The following CNTRL variants were observed in gnomAD, a reference collection of about 807,000 sequenced individuals.
CNTRL encodes the protein centriolin, also known as 110 kDa centrosomal protein.
A neutral mutation model predicts 303.7 loss-of-function variants in CNTRL; 233 were observed. The ratio of observed to expected loss-of-function variants is 0.77; its 90% CI spans 0.69 to 0.86. The LOEUF (loss-of-function observed/expected upper bound fraction) is 0.86, where lower values mean the gene tolerates loss of function less well. Ranked by LOEUF, CNTRL falls within the 40% of genes least tolerant of loss-of-function variation. The probability of loss-of-function intolerance (pLI) is 0.00; values close to 1 mark genes in which losing one functional copy is unlikely to be tolerated. For missense variants in CNTRL, 2,524 were observed against 2,650.6 expected, an observed-to-expected ratio of 0.95 and a Z score of 1.05; for synonymous variants, 900 against 922.2, an observed-to-expected ratio of 0.98 and a Z score of 0.44.
rs1282378446 is a variant in CNTRL, at chr9:121,150,414, C to G, written c.3894C>G (p.Pro1298=). The change falls in exon 25 of 44, where the codon CCC becomes CCG. Residue 1298 remains proline (P), a synonymous_variant. Transcript: ENST00000373855. ...CCCCCATGGTGTATGGGCCTCCACC[C>G]CCCAACTTCTCCATCCCCTTCATCC... ...AGAPMVYGPP[P]PNFSIPFIPM... 1 of 1,614,080 alleles carries G rather than the reference C, an allele frequency of 6.2e-7. No homozygotes were observed. The highest frequency in any genetic ancestry group is 1.3e-5 in the African/African-American group (1 of 74,924).
intron 39 of CNTRL, among the ~76,000 whole-genome samples, chr9:121,170,419 C>T (rs2053257560): frequency 6.6e-6 from 1 of 152,168 alleles, no homozygotes; most frequent in Non-Finnish European, 1.5e-5. Flanking sequence ...GCTGGGATTA[C>T]AGGCATGAGC....
At chr9:121,115,000 G>T in intron 10 of CNTRL, 91 bp from the exon 11 acceptor site, 1 of 742,020 alleles carries the variant, frequency 1.3e-6, no homozygotes, top group African/African-American at 1.8e-5. Flanking sequence ...CAGGGAGAAG[G>T]TTATTACAAA....
rs183474885 is a variant in CNTRL at position 121,109,243 on chromosome 9, A to G, written c.1002+1248A>G. Among the ~76,000 whole-genome samples, 6 of 152,326 alleles carry G rather than the reference A, an allele frequency of 3.9e-5. No individual in the cohort carries two copies. The East Asian group carries it at 9.6e-4, about 24-fold the overall frequency. On this transcript the variant is annotated intron_variant, in intron 8 of 43. Coordinates refer to ENST00000373855, the MANE Select transcript of CNTRL (RefSeq NM_007018.6). ...TTTAGGAAATAATAATTAAGAAAAA[A>G]TATCTGTACATGTTCAATACAGATG...
intron 11 of CNTRL, among the ~76,000 whole-genome samples, chr9:121,116,387 T>TTC: frequency 6.6e-6 from 1 of 151,126 alleles, no homozygotes; most frequent in East Asian, 1.9e-4. Context: ...TTTATTTTTA[T>TTC]TTTTTTGAGA....
intron 2 of CNTRL, among the ~76,000 whole-genome samples, chr9:121,081,711 TG>T (rs1385899753): frequency 6.6e-6 from 1 of 152,264 alleles, no homozygotes; most frequent in Non-Finnish European, 1.5e-5. Context: ...GAAGTTTTCA[TG>T]CTCTCGCCAG....
At chr9:121,129,475 C>T (rs528592864) in intron 14 of CNTRL, among the ~76,000 whole-genome samples, 1 of 152,248 alleles carries the variant, frequency 6.6e-6, no homozygotes, top group South Asian at 2.1e-4. Context: ...GATTTTTGCA[C>T]ATTGATTTTT....
intron 7 of CNTRL, among the ~76,000 whole-genome samples, chr9:121,101,304 G>A (rs1390339635): frequency 2.0e-5 from 3 of 152,064 alleles, no homozygotes; most frequent in East Asian, 1.9e-4. Flanking sequence ...ATGACTACTG[G>A]GTACTTAATG....
chr9:121,141,297 C>A, intron 17 of CNTRL, 84 bp from the exon 18 acceptor site: 1 of 1,093,524 alleles, frequency 9.1e-7, no homozygotes, highest in South Asian at 1.4e-5. Context: ...GCTTTTTACT[C>A]TGGAGCTAAA....
Position 121,123,919 on chromosome 9 carries a change from T to G in CNTRL, c.1651-12T>G, listed in dbSNP as rs761052685. 1.3e-6 allele frequency: 2 copies of G among 1,547,608 alleles called. No homozygotes were observed. Among genetic ancestry groups the G allele is most frequent in the East Asian group, 4.6e-5 (2 of 43,716 alleles). ...GAACTTGGAGTTTTGTTGATTTTTT[T>G]TTTTAATTCAGTCCCATATGAAGGC... On this transcript the variant is annotated splice_polypyrimidine_tract_variant and intron_variant, in intron 12 of 43. Coordinates refer to ENST00000373855, the MANE Select transcript of CNTRL (RefSeq NM_007018.6).
intron 26 of CNTRL, among the ~76,000 whole-genome samples, chr9:121,154,137 G>C (rs779947519): frequency 2.6e-5 from 4 of 152,144 alleles, no homozygotes; most frequent in Admixed American, 2.6e-4. Context: ...AAGATAATCT[G>C]TTAAATGTTG....
intron 14 of CNTRL, among the ~76,000 whole-genome samples, chr9:121,126,277 A>C (rs1351085285): frequency 6.6e-6 from 1 of 152,226 alleles, no homozygotes; most frequent in Non-Finnish European, 1.5e-5. Context: ...AATTGAGCAC[A>C]GAATGGTTTT....
intron 38 of CNTRL, among the ~76,000 whole-genome samples, chr9:121,168,739 GGTCA>G (rs2053190519): frequency 6.6e-6 from 1 of 152,164 alleles, no homozygotes; most frequent in African/African-American, 2.4e-5. Flanking sequence ...TTTGCTTTTA[GGTCA>G]GTTTGTTCTC....
intron 19 of CNTRL, among the ~76,000 whole-genome samples, chr9:121,142,856 C>T (rs570572508): frequency 1.8e-4 from 28 of 152,146 alleles, no homozygotes; most frequent in Non-Finnish European, 3.2e-4. Flanking sequence ...ATCTGTTAAG[C>T]CCTTGTCTTT....
intron 7 of CNTRL, among the ~76,000 whole-genome samples, chr9:121,099,874 A>G (rs1025930237): frequency 1.3e-5 from 2 of 152,234 alleles, no homozygotes; most frequent in African/African-American, 4.8e-5. Context: ...GAGTAAAAAA[A>G]AATGAACAAA....
rs376768102 is a variant in CNTRL at position 121,169,656 on chromosome 9, G to A, written c.6116G>A (p.Gly2039Asp). ...GAGCAGCAATTGGTGGAGAAATCAG[G>A]TGAGCTGTTGGCCCTCCAGAAAGAG... is the stretch of plus-strand genomic sequence containing the variant. The part of the protein sequence containing the change: ...EREQQLVEKS[G>D]ELLALQKEAD... Residue 2039 changes from glycine (G) to aspartate (D), a missense_variant, in exon 39 of 44, where the codon GGT becomes GAT. Coordinates refer to ENST00000373855, the MANE Select transcript of CNTRL (RefSeq NM_007018.6). 1.9e-6 allele frequency: 3 copies of A among 1,614,050 alleles called. No homozygotes were observed. In the African/African-American group the frequency reaches 4.0e-5, roughly 22 times the overall value.
Position 121,094,892 on chromosome 9 carries a change from T to A in CNTRL, c.353T>A (p.Ile118Asn). The A allele has an allele frequency of 1.3e-6, 2 of 1,556,992 alleles. No homozygotes were observed. The highest frequency in any genetic ancestry group is 1.8e-6 in the Non-Finnish European group (2 of 1,140,322). The change falls in exon 5 of 44, where the codon ATT becomes AAT. Residue 118 changes from isoleucine (I) to asparagine (N), a missense_variant. Coordinates refer to ENST00000373855, the MANE Select transcript of CNTRL (RefSeq NM_007018.6). Reference protein sequence around the residue: ...SKDGGKKFKYIENLEKCVKLE... With the variant: ...SKDGGKKFKYNENLEKCVKLE... ...CATTCATTTGTTTCCAATTAGTATA[T>A]TGAGAATTTGGAAAAATGTGTTAAA...
intron 35 of CNTRL, 25 bp downstream of exon 35, chr9:121,165,125 G>A: frequency 6.5e-7 from 1 of 1,531,218 alleles, no homozygotes; most frequent in Non-Finnish European, 8.8e-7. Context: ...AACAGTGAAA[G>A]TGTGTGATTT....
At position 121,113,699 on chromosome 9, in the gene CNTRL, A is replaced by G; in HGVS notation, c.1320A>G (p.Glu440=). ...ACACACCACTGGACACGCAACTGGAAGACAAAGAAAAAAAAATAAGTGCAG... is the reference window on the plus strand; with the variant it reads ...ACACACCACTGGACACGCAACTGGAGGACAAAGAAAAAAAAATAAGTGCAG... ...RGHTPLDTQL[E]DKEKKISAAQ... The change falls in exon 10 of 44, where the codon GAA becomes GAG. Residue 440 remains glutamate (E), a synonymous_variant. Transcript: ENST00000373855. The G allele has an allele frequency of 1.9e-6, 3 of 1,540,054 alleles. No homozygotes were observed. Among genetic ancestry groups the G allele is most frequent in the Admixed American group, 2.4e-5 (1 of 42,312 alleles).
At chr9:121,159,355 C>T (rs968897707) in intron 31 of CNTRL, among the ~76,000 whole-genome samples, 6 of 152,172 alleles carry the variant, frequency 3.9e-5, no homozygotes, top group Admixed American at 2.0e-4. Context: ...AACTTCTGGC[C>T]GGGTACAGTG....
Sources: gnomAD v4.1 joint callset for allele counts (sites outside exome capture counted in the v4.1 genomes callset) on GRCh38, gnomAD v4.1.1 for gene constraint, MANE v1.5 for transcripts, NCBI Gene and HGNC (gene_info 2026-07-23, HGNC 2026-07-21) for gene names.